VEZT: variants seen among roughly 807,000 people sequenced by gnomAD.
VEZT encodes the protein vezatin, adherens junctions transmembrane protein.
In VEZT, 39 loss-of-function variants were observed where a neutral mutation model predicts 79.9. That is an observed-to-expected ratio of 0.49 (90% CI 0.38 to 0.64). The LOEUF (loss-of-function observed/expected upper bound fraction) is 0.64, where lower values mean the gene tolerates loss of function less well. Ranked by LOEUF, VEZT falls within the 30% of genes least tolerant of loss-of-function variation. The pLI, the probability that VEZT is intolerant of heterozygous loss-of-function variation, is 0.00. For missense variants in VEZT, 837 were observed against 893.1 expected, an observed-to-expected ratio of 0.94 and a Z score of 0.80; for synonymous variants, 325 against 327.6, an observed-to-expected ratio of 0.99 and a Z score of 0.09.
In VEZT at chr12:95,268,602, C is replaced by T. The variant is rs540685958; in HGVS notation, c.711-1449C>T. ...AATGGTTAGGCGTGTATAGAGGATT[C>T]TGTGCCTTGTGTCATTTTCCAACTT... On this transcript the variant is annotated intron_variant, in intron 5 of 11. Coordinates refer to ENST00000436874, the MANE Select transcript of VEZT (RefSeq NM_017599.4). Among the ~76,000 whole-genome samples, 59 of 152,260 alleles carry T rather than the reference C, an allele frequency of 3.9e-4. 1 individual carries two copies. Among genetic ancestry groups the T allele is most frequent in the Middle Eastern group, 3.4e-3 (1 of 294 alleles).
At chr12:95,262,206 A>G (rs2064672261) in intron 3 of VEZT, 1 of 152,166 alleles carries the variant, frequency 6.6e-6, no homozygotes, top group South Asian at 2.1e-4. Context: ...ACTCCTTTGC[A>G]TGTTATATTG....
intron 5 of VEZT, among the ~76,000 whole-genome samples, chr12:95,267,338 C>A (rs1196348523): frequency 1.3e-5 from 2 of 152,148 alleles, no homozygotes. Context: ...TGATTCTAAA[C>A]CCGGCTTGCA....
At position 95,252,055 on chromosome 12, in the gene VEZT, C is replaced by G. The variant is rs778578749; in HGVS notation, c.152C>G (p.Thr51Arg). 6.2e-7 allele frequency: 1 copy of G among 1,606,836 alleles called. No homozygotes were observed. The highest frequency in any genetic ancestry group is 8.5e-7 in the Non-Finnish European group (1 of 1,177,786). The stretch of plus-strand genomic sequence containing the variant: ...ACAGAGGGACAACAAAAGCCTCCTA[C>G]AAGAGTCCTACCAAAAGTAAGAACG... ...CTTEGQQKPP[T>R]RVLPKQGILL... is the part of the protein sequence containing the mutation. Residue 51 changes from threonine (T) to arginine (R), a missense_variant, in exon 2 of 12, where the codon ACA (threonine) becomes AGA (arginine). Coordinates refer to ENST00000436874, the MANE Select transcript of VEZT (RefSeq NM_017599.4).
rs767354816 is a variant in VEZT, at chr12:95,301,235, TTA to T, written c.*564_*565del. The T allele has an allele frequency of 2.0e-5, 3 of 152,324 alleles. No homozygotes were observed. Among genetic ancestry groups the T allele is most frequent in the South Asian group, 4.1e-4 (2 of 4,828 alleles). The allele number at this position is 152,324 out of a possible 1,614,324, so 9.4% of individuals were successfully genotyped here. ...AACAGTGCGTGGGTTATGACATTTC[TTA>T]TGTTTCTTTGTTCATGTGTGTATTT... On this transcript the variant is annotated 3_prime_UTR_variant, in exon 12 of 12. Transcript: ENST00000436874.
At chr12:95,292,275 G>T (rs2073040248) in intron 9 of VEZT, among the ~76,000 whole-genome samples, 1 of 152,148 alleles carries the variant, frequency 6.6e-6, no homozygotes, top group Admixed American at 6.5e-5. Flanking sequence ...TGGGTGTTTT[G>T]TTTTGTTTAG....
At position 95,250,372 on chromosome 12, in the gene VEZT, G is replaced by C. The variant is rs187872020; in HGVS notation, c.37-1568G>C. ...GGCTGGAATGTAATGGCATAATCCCGGCTCACTGCAACCTCCACTTCCCAG... is the reference window on the plus strand; with the variant it reads ...GGCTGGAATGTAATGGCATAATCCCCGCTCACTGCAACCTCCACTTCCCAG... On this transcript the variant is annotated intron_variant, in intron 1 of 11. Coordinates refer to ENST00000436874, the MANE Select transcript of VEZT (RefSeq NM_017599.4). 6.1e-3 allele frequency among the ~76,000 whole-genome samples: 871 copies of C among 143,882 alleles called. 10 individuals carry two copies. The highest frequency in any genetic ancestry group is 0.021 in the African/African-American group (822 of 38,454). 94.4% of individuals were successfully genotyped at this position (143,882 alleles called of 152,430 possible). A position where few individuals can be genotyped will look rare whatever the true frequency, so the allele number is the denominator to read the frequency against.
chr12:95,263,154 C>A, intron 4 of VEZT, 73 bp downstream of exon 4: 1 of 1,322,966 alleles, frequency 7.6e-7, no homozygotes. Context: ...CATCATTGTG[C>A]TCTCCATTGT....
intron 11 of VEZT, among the ~76,000 whole-genome samples, chr12:95,297,232 C>G (rs1049282590): frequency 6.6e-6 from 1 of 152,202 alleles, no homozygotes; most frequent in Non-Finnish European, 1.5e-5. Flanking sequence ...ATCAACCTAG[C>G]TAATTCTTAG....
At chr12:95,226,987 C>T (rs2058584393) in intron 1 of VEZT, among the ~76,000 whole-genome samples, 1 of 152,168 alleles carries the variant, frequency 6.6e-6, no homozygotes, top group Non-Finnish European at 1.5e-5. Flanking sequence ...TCAGGCTAAA[C>T]AGCAACAGAA....
chr12:95,241,959 G>A (rs755794192), intron 1 of VEZT, among the ~76,000 whole-genome samples: 6 of 152,052 alleles, frequency 3.9e-5, no homozygotes, highest in Admixed American at 1.3e-4. Context: ...TGACCTTGGC[G>A]AAAATATTAA....
chr12:95,246,294 T>C (rs1007091812), intron 1 of VEZT, among the ~76,000 whole-genome samples: 1 of 152,144 alleles, frequency 6.6e-6, no homozygotes, highest in African/African-American at 2.4e-5. Flanking sequence ...GGCTAATTTC[T>C]GTGTTTTTAG....
intron 8 of VEZT, 29 bp downstream of exon 8, chr12:95,282,673 T>C: frequency 6.5e-7 from 1 of 1,537,992 alleles, no homozygotes; most frequent in Non-Finnish European, 8.8e-7. Flanking sequence ...CCAAGAAAGG[T>C]CTCGGTAATT....
chr12:95,295,270 C>T lies in VEZT; in HGVS notation c.1624-781C>T, dbSNP rs190474206. Among the ~76,000 whole-genome samples, 154 of 152,270 alleles carry T rather than the reference C, an allele frequency of 1.0e-3. No homozygotes were observed. The Middle Eastern group carries it at 0.014, about 14-fold the overall frequency. ...CTGTTGCCCGTGTTCAAGCGATTCT[C>T]CTGCCTCAGCCTCCTGAGTAGCTGG... On this transcript the variant is annotated intron_variant, in intron 10 of 11. Coordinates refer to ENST00000436874, the MANE Select transcript of VEZT (RefSeq NM_017599.4).
At chr12:95,294,481 C>A in intron 10 of VEZT, 109 bp downstream of exon 10, 1 of 893,722 alleles carries the variant, frequency 1.1e-6, no homozygotes, top group Non-Finnish European at 1.7e-6. Flanking sequence ...GTTCTTAGTG[C>A]TTAACTCTGA....
chr12:95,291,005 C>T (rs1432463128), intron 9 of VEZT, among the ~76,000 whole-genome samples: 2 of 152,068 alleles, frequency 1.3e-5, no homozygotes, highest in African/African-American at 2.4e-5. Flanking sequence ...TGGCTCATGC[C>T]TATAATCTCA....
At chr12:95,262,386 A>G (rs947248705) in intron 3 of VEZT, 1 of 152,286 alleles carries the variant, frequency 6.6e-6, no homozygotes, top group African/African-American at 2.4e-5. Context: ...ATGAGCTCGT[A>G]TATGTGAAGG....
intron 1 of VEZT, among the ~76,000 whole-genome samples, chr12:95,251,687 T>C (rs1053695073): frequency 1.3e-5 from 2 of 152,218 alleles, no homozygotes; most frequent in African/African-American, 4.8e-5. Context: ...TTCTTGCTGG[T>C]ACTCACTCAA....
intron 2 of VEZT, among the ~76,000 whole-genome samples, chr12:95,253,131 T>G (rs1020362171): frequency 6.6e-6 from 1 of 152,216 alleles, no homozygotes; most frequent in Non-Finnish European, 1.5e-5. Flanking sequence ...GTCTAGTATA[T>G]TTTAGTTTTA....
chr12:95,294,306 T>C lies in VEZT; in HGVS notation c.1557T>C (p.Cys519=). The C allele has an allele frequency of 6.3e-7, 1 of 1,593,686 alleles. No homozygotes were observed. Among genetic ancestry groups the C allele is most frequent in the African/African-American group, 1.3e-5 (1 of 74,734 alleles). The change falls in exon 10 of 12, where the codon TGT becomes TGC. Residue 519 remains cysteine (C), a synonymous_variant. Transcript: ENST00000436874. ...AAATAGCATGTGAAAACCCACATTG[T>C]ACAGTAGTACCTTTGAAGCAGCCTA... ...KPEIACENPH[C]TVVPLKQPTL...
Sources: gnomAD v4.1 joint callset for allele counts (sites outside exome capture counted in the v4.1 genomes callset) on GRCh38, gnomAD v4.1.1 for gene constraint, MANE v1.5 for transcripts, NCBI Gene and HGNC (gene_info 2026-07-23, HGNC 2026-07-21) for gene names.